The following RAI1 variants were observed in gnomAD, a reference collection of about 807,000 sequenced individuals.
The protein encoded by RAI1 is retinoic acid induced 1.
A neutral mutation model predicts 123.8 loss-of-function variants in RAI1; 9 were observed. The ratio of observed to expected loss-of-function variants is 0.07; its 90% confidence interval spans 0.04 to 0.13. The LOEUF is 0.13. RAI1 is among the 10% of genes least tolerant of loss of function. RAI1 has a pLI of 1.00. For synonymous variants in RAI1, 1,231 were observed against 1,127.3 expected, an observed-to-expected ratio of 1.09 and a Z score of -1.84; for missense variants, 2,256 against 2,545.8, an observed-to-expected ratio of 0.89 and a Z score of 2.45.
intron 2 of RAI1, among the ~76,000 whole-genome samples, chr17:17,739,518 C>T (rs1916547730): frequency 1.3e-5 from 2 of 152,216 alleles, no homozygotes; most frequent in Admixed American, 1.3e-4. Context: ...GTCAGGGAGC[C>T]TTTGGCCGTA....
At chr17:17,786,912 A>G (rs2031845141) in intron 2 of RAI1, among the ~76,000 whole-genome samples, 1 of 152,194 alleles carries the variant, frequency 6.6e-6, no homozygotes, top group African/African-American at 2.4e-5. Context: ...TGTCTCTACT[A>G]AAAATACAAA....
chr17:17,717,335 C>T (rs1324805675), intron 1 of RAI1, among the ~76,000 whole-genome samples: 6 of 152,166 alleles, frequency 3.9e-5, no homozygotes, highest in African/African-American at 1.4e-4. Context: ...AGGCCTGGGC[C>T]CAGCTGTTCC....
At chr17:17,689,283 T>C (rs931451965) in intron 1 of RAI1, among the ~76,000 whole-genome samples, 2 of 152,192 alleles carry the variant, frequency 1.3e-5, no homozygotes, top group Admixed American at 1.3e-4. Context: ...CTTCCATTCA[T>C]GCCAGGTCAC....
In RAI1 at chr17:17,734,537, C is replaced by T. The variant is rs929906782; in HGVS notation, c.-17+10378C>T. On this transcript the variant is annotated intron_variant, in intron 2 of 5. Coordinates refer to ENST00000353383, the MANE Select transcript of RAI1 (RefSeq NM_030665.4). ...GCCTAACAAATGGTACTTATCCTCC[C>T]GTGGGAGCAGACCAGGGCTAACCAA... is the stretch of plus-strand genomic sequence containing the variant. 4.6e-5 allele frequency among the ~76,000 whole-genome samples: 7 copies of T among 152,310 alleles called. No individual in the cohort carries two copies. In the South Asian group the frequency reaches 8.3e-4, roughly 18 times the overall value.
At chr17:17,728,662 G>C (rs550011971) in intron 2 of RAI1, among the ~76,000 whole-genome samples, 18 of 152,286 alleles carry the variant, frequency 1.2e-4, no homozygotes, top group Admixed American at 9.8e-4. Context: ...CCAGGAGTGG[G>C]TGGCAGCCAC....
chr17:17,771,729 G>T (rs1213512445), intron 2 of RAI1, among the ~76,000 whole-genome samples: 1 of 152,212 alleles, frequency 6.6e-6, no homozygotes, highest in African/African-American at 2.4e-5. Context: ...GTCGGGGGCT[G>T]GTATGCAGAG....
At chr17:17,803,878 A>G (rs1319211184) in intron 4 of RAI1, 29 bp downstream of exon 4, 1 of 1,597,610 alleles carries the variant, frequency 6.3e-7, no homozygotes, top group East Asian at 2.2e-5. Flanking sequence ...ACAGGAGGGC[A>G]TTGGAGCCCA....
rs1385909374 is a variant in RAI1, at chr17:17,793,088, C to T, written c.140C>T (p.Ala47Val). The T allele has an allele frequency of 6.2e-7, 1 of 1,614,156 alleles. No individual in the cohort carries two copies. The change falls in exon 3 of 6, where the codon GCC becomes GTC. Residue 47 changes from alanine (A) to valine (V), a missense_variant. Coordinates refer to ENST00000353383, the MANE Select transcript of RAI1 (RefSeq NM_030665.4). ...AGCTGCGACCGGCAGCGGCTGCTCG[C>T]CAAGGACTATTATAACCCGCAGCCT... Reference protein sequence around the residue: ...GLSCDRQRLLAKDYYNPQPYP... With the variant: ...GLSCDRQRLLVKDYYNPQPYP...
At chr17:17,791,473 C>T (rs576628569) in intron 2 of RAI1, among the ~76,000 whole-genome samples, 15 of 152,250 alleles carry the variant, frequency 9.9e-5, no homozygotes, top group Admixed American at 9.2e-4. Context: ...GTGCCCCTCT[C>T]CCCCTCTCTT....
Position 17,792,943 on chromosome 17 carries a change from C to G in RAI1, c.-6C>G. The G allele has an allele frequency of 1.9e-6, 3 of 1,610,218 alleles. No individual in the cohort carries two copies. Among genetic ancestry groups the G allele is most frequent in the Non-Finnish European group, 2.5e-6 (3 of 1,176,946 alleles). On this transcript the variant is annotated 5_prime_UTR_variant, in exon 3 of 6. Transcript: ENST00000353383. The stretch of plus-strand genomic sequence containing the variant: ...TTTTTCTTTTCACAGATAACCAGCC[C>G]GAGTCATGCAGTCTTTTCGAGAAAG...
chr17:17,802,787 A>G (rs990437371), intron 3 of RAI1, among the ~76,000 whole-genome samples: 1 of 149,360 alleles, frequency 6.7e-6, no homozygotes, highest in African/African-American at 2.5e-5. Context: ...AAAGCAAAAG[A>G]AAAAAGAGCC....
chr17:17,728,224 G>A (rs2142941956), intron 2 of RAI1, among the ~76,000 whole-genome samples: 1 of 152,142 alleles, frequency 6.6e-6, no homozygotes, highest in Non-Finnish European at 1.5e-5. Context: ...GCCCCAGGAG[G>A]GATCCAGGCA....
chr17:17,779,877 G>A (rs2031504461), intron 2 of RAI1, among the ~76,000 whole-genome samples: 3 of 141,058 alleles, frequency 2.1e-5, no homozygotes, highest in South Asian at 5.0e-4. Flanking sequence ...CGGGGTTCAC[G>A]CCATTCTCCT....
At chr17:17,746,144 G>T (rs892102093) in intron 2 of RAI1, among the ~76,000 whole-genome samples, 2 of 152,156 alleles carry the variant, frequency 1.3e-5, no homozygotes, top group African/African-American at 4.8e-5. Flanking sequence ...GGGCCTTTGT[G>T]CTTCAGGATT....
rs373160337 is a variant in RAI1, at chr17:17,798,451, G to A, written c.5503G>A (p.Val1835Ile). ...GGCCTGTGCCGTGTGGACCGGCGGC[G>A]TCTACCTGGTGGCCGGGAAGCTCTT... ...HEACAVWTGG[V>I]YLVAGKLFGL... Residue 1835 changes from valine to isoleucine, a missense_variant, in exon 3 of 6, where the codon GTC becomes ATC. By Grantham distance (29) the Val-to-Ile change is conservative. Transcript: ENST00000353383. The A allele has an allele frequency of 2.2e-5, 35 of 1,608,106 alleles. No homozygotes were observed. The highest frequency in any genetic ancestry group is 1.6e-4 in the Middle Eastern group (1 of 6,084).
intron 1 of RAI1, among the ~76,000 whole-genome samples, chr17:17,706,206 G>C (rs536310310): frequency 6.6e-6 from 1 of 152,196 alleles, no homozygotes; most frequent in East Asian, 1.9e-4. Flanking sequence ...GATTTGCAGA[G>C]CTGGGGCGAG....
intron 1 of RAI1, among the ~76,000 whole-genome samples, chr17:17,709,370 C>T (rs1339881525): frequency 6.6e-6 from 1 of 152,124 alleles, no homozygotes. Context: ...TTTGGTCTCA[C>T]CTCTACTCAG....
intron 3 of RAI1, 107 bp downstream of exon 3, chr17:17,798,620 G>C (rs2032354569): frequency 6.6e-7 from 1 of 1,524,390 alleles, no homozygotes; most frequent in Non-Finnish European, 8.8e-7. Context: ...GGCCAAATGT[G>C]TCTGCAGTCT....
In RAI1 at chr17:17,800,881, G is replaced by A. The variant is rs973165337; in HGVS notation, c.5565+2368G>A. Among the ~76,000 whole-genome samples the A allele has an allele frequency of 6.6e-6, 1 of 152,206 alleles. No individual in the cohort carries two copies. The highest frequency in any genetic ancestry group is 1.5e-5 in the Non-Finnish European group (1 of 68,034). On this transcript the variant is annotated intron_variant, in intron 3 of 5. Coordinates refer to ENST00000353383, the MANE Select transcript of RAI1 (RefSeq NM_030665.4). The surrounding 1 kb of genome is among the most constrained non-coding windows in gnomAD (Gnocchi z 4.7). Reference sequence around the variant, plus strand: ...CCCTGGTTCAAATCCCAGCTCTGCCGAGGGCTGGTTCCATAGCTCCAGGCG... The same window carrying A: ...CCCTGGTTCAAATCCCAGCTCTGCCAAGGGCTGGTTCCATAGCTCCAGGCG...
Sources: allele counts gnomAD v4.1 joint callset (sites outside exome capture counted in the v4.1 genomes callset), GRCh38; gene constraint gnomAD v4.1.1; non-coding constraint Gnocchi (gnomAD v3.1); transcripts MANE v1.5; gene names NCBI Gene and HGNC (gene_info 2026-07-23, HGNC 2026-07-21).